The following OSBPL6 variants were observed in gnomAD, a reference collection of about 807,000 sequenced individuals.
OSBPL6 encodes the protein oxysterol binding protein like 6.
OSBPL6 carries 49 observed loss-of-function variants against 125.8 expected under a neutral mutation model. That is an observed-to-expected ratio of 0.39 (90% CI 0.31 to 0.49). The LOEUF is 0.49. Among genes scored for constraint, OSBPL6 ranks in the 20% least tolerant of loss-of-function variants. The probability of loss-of-function intolerance (pLI) is 0.88; values close to 1 mark genes in which losing one functional copy is unlikely to be tolerated. For synonymous variants in OSBPL6, 394 were observed against 391.8 expected, an observed-to-expected ratio of 1.01 and a Z score of -0.07; for missense variants, 986 against 1,135.4, an observed-to-expected ratio of 0.87 and a Z score of 1.89.
intron 1 of OSBPL6, among the ~76,000 whole-genome samples, chr2:178,267,520 C>T (rs1012819580): frequency 1.3e-5 from 2 of 151,922 alleles, no homozygotes; most frequent in Non-Finnish European, 2.9e-5. Context: ...CTAATACTCT[C>T]GTTGTAGGAT....
At chr2:178,304,181 T>A (rs1374282212) in intron 2 of OSBPL6, among the ~76,000 whole-genome samples, 1 of 152,102 alleles carries the variant, frequency 6.6e-6, no homozygotes, top group African/African-American at 2.4e-5. Flanking sequence ...TGTCGTCATA[T>A]GGCAGGAAAG....
chr2:178,310,897 C>T (rs193012030), intron 3 of OSBPL6, among the ~76,000 whole-genome samples: 10 of 152,306 alleles, frequency 6.6e-5, no homozygotes, highest in South Asian at 2.1e-4. Flanking sequence ...CCTCCCCCTC[C>T]ACCTTGGTCT....
intron 1 of OSBPL6, among the ~76,000 whole-genome samples, chr2:178,261,404 A>C (rs1370033737): frequency 6.6e-6 from 1 of 152,058 alleles, no homozygotes; most frequent in African/African-American, 2.4e-5. Context: ...AAAAAAAAAA[A>C]AAAACAAGGA....
intron 3 of OSBPL6, among the ~76,000 whole-genome samples, chr2:178,318,360 T>C (rs1420272745): frequency 6.6e-6 from 1 of 152,182 alleles, no homozygotes; most frequent in Non-Finnish European, 1.5e-5. Context: ...GTAGACTTTT[T>C]TCAGCCACTG....
At chr2:178,226,302 G>GT (rs2090559333) in intron 1 of OSBPL6, among the ~76,000 whole-genome samples, 1 of 140,582 alleles carries the variant, frequency 7.1e-6, no homozygotes, top group Admixed American at 6.9e-5. Context: ...TTCCATGCTG[G>GT]TAGCACAGTG....
At chr2:178,241,899 C>G (rs1208926818) in intron 1 of OSBPL6, among the ~76,000 whole-genome samples, 1 of 152,070 alleles carries the variant, frequency 6.6e-6, no homozygotes, top group Admixed American at 6.6e-5. Flanking sequence ...TTTTGTGTGT[C>G]TACATATACA....
At chr2:178,194,928 C>T (rs746425378) in intron 1 of OSBPL6, among the ~76,000 whole-genome samples, 61 of 152,150 alleles carry the variant, frequency 4.0e-4, no homozygotes, top group Admixed American at 1.8e-3. Context: ...GTCTGTATCG[C>T]GGTCCCGGTT....
At chr2:178,297,578 T>C (rs1038493797) in intron 2 of OSBPL6, among the ~76,000 whole-genome samples, 8 of 152,268 alleles carry the variant, frequency 5.3e-5, no homozygotes, top group African/African-American at 1.7e-4. Context: ...GAATGGCTTT[T>C]GTGGCTCATG....
intron 1 of OSBPL6, among the ~76,000 whole-genome samples, chr2:178,234,341 G>A (rs2090959117): frequency 6.6e-6 from 1 of 152,088 alleles, no homozygotes; most frequent in Non-Finnish European, 1.5e-5. Context: ...CTGGACTTAA[G>A]CCCTTTAGAA....
chr2:178,284,263 ACT>A (rs540080577), intron 1 of OSBPL6, among the ~76,000 whole-genome samples: 211 of 151,474 alleles, frequency 1.4e-3, no homozygotes, highest in African/African-American at 3.8e-3. Context: ...ATTTTTAAAA[ACT>A]CTATTGGGCC....
intron 2 of OSBPL6, among the ~76,000 whole-genome samples, chr2:178,303,204 T>C (rs1686452335): frequency 6.6e-6 from 1 of 152,222 alleles, no homozygotes. Context: ...ACAGAAGAGA[T>C]ATACAGCGCT....
intron 11 of OSBPL6, among the ~76,000 whole-genome samples, chr2:178,346,317 A>C (rs886710853): frequency 3.9e-5 from 6 of 152,216 alleles, no homozygotes; most frequent in Non-Finnish European, 8.8e-5. Context: ...GAACAGCAAC[A>C]GCAGGAGACT....
Position 178,400,355 on chromosome 2 carries a change from C to T in OSBPL6, c.*4796C>T, listed in dbSNP as rs1437478996. 6.6e-6 allele frequency: 1 copy of T among 150,568 alleles called. No homozygotes were observed. The highest frequency in any genetic ancestry group is 2.1e-4 in the South Asian group (1 of 4,762). The allele number at this position is 150,568 out of a possible 1,614,324, so 9.3% of individuals were successfully genotyped here. ...AGGCTGGAGCGCAATGGCACAATCT[C>T]GGCTCACTGCAGCCTCCGCCTCCCA... On this transcript the variant is annotated 3_prime_UTR_variant, in exon 25 of 25. Transcript: ENST00000190611.
At chr2:178,350,147 A>C (rs995552413) in intron 12 of OSBPL6, among the ~76,000 whole-genome samples, 14 of 152,150 alleles carry the variant, frequency 9.2e-5, no homozygotes, top group African/African-American at 3.1e-4. Context: ...TTTATGTTAA[A>C]TTTTCAGTGA....
At chr2:178,248,240 C>A (rs897888086) in intron 1 of OSBPL6, among the ~76,000 whole-genome samples, 1 of 152,094 alleles carries the variant, frequency 6.6e-6, no homozygotes, top group South Asian at 2.1e-4. Context: ...TTACTTATAG[C>A]GGAGGGACAA....
chr2:178,212,086 G>A (rs922063108), intron 1 of OSBPL6, among the ~76,000 whole-genome samples: 6 of 152,120 alleles, frequency 3.9e-5, no homozygotes, highest in African/African-American at 9.7e-5. Flanking sequence ...TCGTGCTGTT[G>A]TGCCTGCTGA....
At chr2:178,213,734 AT>A (rs912471245) in intron 1 of OSBPL6, among the ~76,000 whole-genome samples, 18 of 152,180 alleles carry the variant, frequency 1.2e-4, no homozygotes, top group African/African-American at 3.9e-4. Flanking sequence ...GTTTGAACTT[AT>A]ATGTTCCCCA....
At chr2:178,292,211 C>T (rs1685347623) in intron 2 of OSBPL6, among the ~76,000 whole-genome samples, 1 of 151,966 alleles carries the variant, frequency 6.6e-6, no homozygotes. Context: ...CCCAAATGAC[C>T]ATAAAATTGA....
chr2:178,291,866 C>T (rs1003500950), intron 2 of OSBPL6, among the ~76,000 whole-genome samples: 85 of 151,408 alleles, frequency 5.6e-4, no homozygotes, highest in African/African-American at 2.0e-3. Flanking sequence ...CAGTTAATTC[C>T]TTGAACCTGA....
Sources: allele counts gnomAD v4.1 joint callset (sites outside exome capture counted in the v4.1 genomes callset), GRCh38; gene constraint gnomAD v4.1.1; transcripts MANE v1.5; gene names NCBI Gene and HGNC (gene_info 2026-07-23, HGNC 2026-07-21).